NOD1: variants seen among roughly 807,000 people sequenced by gnomAD.
The protein encoded by NOD1 is nucleotide binding oligomerization domain containing 1.
A neutral mutation model predicts 81.2 loss-of-function variants in NOD1; 70 were observed. The ratio of observed to expected loss-of-function variants is 0.86; its 90% confidence interval spans 0.71 to 1.05. The LOEUF is 1.05. Ranked by LOEUF, NOD1 falls within the 50% of genes least tolerant of loss-of-function variation. The probability of loss-of-function intolerance (pLI) is 0.00; values close to 1 mark genes in which losing one functional copy is unlikely to be tolerated. For missense variants in NOD1, 1,233 were observed against 1,228.0 expected, an observed-to-expected ratio of 1.00 and a Z score of -0.06; for synonymous variants, 508 against 526.9, an observed-to-expected ratio of 0.96 and a Z score of 0.49.
intron 12 of NOD1, 55 bp from the exon 13 acceptor site, chr7:30,429,512 C>T: frequency 6.6e-7 from 1 of 1,505,704 alleles, no homozygotes; most frequent in Non-Finnish European, 9.2e-7. Context: ...AAATTTGACC[C>T]CTTCGTAAGG....
At chr7:30,477,193 C>T (rs1478485463) in intron 1 of NOD1, among the ~76,000 whole-genome samples, 1 of 152,222 alleles carries the variant, frequency 6.6e-6, no homozygotes, top group Non-Finnish European at 1.5e-5. Context: ...AAAAATAAAA[C>T]CTACTCTTCT....
At chr7:30,429,869 A>G (rs1471888582) in intron 12 of NOD1, among the ~76,000 whole-genome samples, 3 of 152,102 alleles carry the variant, frequency 2.0e-5, no homozygotes, top group African/African-American at 7.2e-5. Flanking sequence ...AAATACAAAA[A>G]AATTAGCTGG....
At position 30,452,980 on chromosome 7, in the gene NOD1, C is replaced by T. The variant is rs1244711059; in HGVS notation, c.437G>A (p.Cys146Tyr). 7 of 1,613,802 alleles carry T rather than the reference C, an allele frequency of 4.3e-6. No individual in the cohort carries two copies. Among genetic ancestry groups the T allele is most frequent in the African/African-American group, 1.3e-5 (1 of 74,930 alleles). Reference sequence around the variant, plus strand: ...CAGCAGCTCCTCCTTCTGGGCATAGCACAGCACGAACTTGGAGTCACGGCC... The same window carrying T: ...CAGCAGCTCCTCCTTCTGGGCATAGTACAGCACGAACTTGGAGTCACGGCC... ...HLGRDSKFVL[C>Y]YAQKEELLLE... Residue 146 changes from cysteine (C) to tyrosine (Y), a missense_variant, in exon 6 of 14, where the codon TGC (cysteine) becomes TAC (tyrosine). Transcript: ENST00000222823.
At position 30,462,248 on chromosome 7, in the gene NOD1, A is replaced by T. The variant is rs552685100; in HGVS notation, c.-351-2207T>A. On this transcript the variant is annotated intron_variant, in intron 1 of 13. Transcript: ENST00000222823. ...CAAAGATAGAGAGTAAGATACAAAA[A>T]TGCTGTTGATGTTTGGTGAGTCAGG... 3.5e-4 allele frequency among the ~76,000 whole-genome samples: 53 copies of T among 152,332 alleles called. No individual in the cohort carries two copies. The South Asian group carries it at 4.3e-3, about 12-fold the overall frequency.
At chr7:30,468,912 G>A (rs923141157) in intron 1 of NOD1, 24 of 985,324 alleles carry the variant, frequency 2.4e-5, no homozygotes, top group African/African-American at 3.5e-5. Flanking sequence ...TGGTGATGAC[G>A]TGAACAACAG....
chr7:30,473,813 G>A (rs912759733), intron 1 of NOD1, among the ~76,000 whole-genome samples: 1 of 152,138 alleles, frequency 6.6e-6, no homozygotes, highest in African/African-American at 2.4e-5. Flanking sequence ...CTGGGGCAGT[G>A]GTTAAGAACA....
chr7:30,429,551 A>G, intron 12 of NOD1, 94 bp from the exon 13 acceptor site: 1 of 1,084,416 alleles, frequency 9.2e-7, no homozygotes, highest in Non-Finnish European at 1.4e-6. Context: ...GGGATAAGAG[A>G]CAAGTTGGTC....
chr7:30,432,422 A>G (rs2127995823), intron 12 of NOD1, among the ~76,000 whole-genome samples: 1 of 152,360 alleles, frequency 6.6e-6, no homozygotes. Context: ...GTATAACTAG[A>G]TTTTAAAAGA....
In NOD1 at chr7:30,456,701, C is replaced by A. The variant is rs868154715; in HGVS notation, c.201+20G>T. ...CCCGGGGTCCACACAATGCCATGCCCGTCCCTGTCCCCGGGGCACCTTGTC... is the reference window on the plus strand; with the variant it reads ...CCCGGGGTCCACACAATGCCATGCCAGTCCCTGTCCCCGGGGCACCTTGTC... On this transcript the variant is annotated intron_variant, in intron 4 of 13. Coordinates refer to ENST00000222823, the MANE Select transcript of NOD1 (RefSeq NM_006092.4). The A allele has an allele frequency of 3.1e-6, 5 of 1,610,740 alleles. No homozygotes were observed. The highest frequency in any genetic ancestry group is 4.2e-6 in the Non-Finnish European group (5 of 1,177,804).
chr7:30,474,432 G>A (rs1788567239), intron 1 of NOD1, among the ~76,000 whole-genome samples: 1 of 152,206 alleles, frequency 6.6e-6, no homozygotes, highest in African/African-American at 2.4e-5. Flanking sequence ...TTTTTGGCAC[G>A]AGGAACTGGT....
At chr7:30,470,590 T>C (rs1473158127) in intron 1 of NOD1, among the ~76,000 whole-genome samples, 2 of 152,254 alleles carry the variant, frequency 1.3e-5, no homozygotes, top group Admixed American at 1.3e-4. Context: ...CAATAGTTTC[T>C]GTTGCTCTAA....
chr7:30,459,380 G>A (rs1786765802), intron 2 of NOD1, 140 bp from the exon 3 acceptor site: 1 of 152,424 alleles, frequency 6.6e-6, no homozygotes, highest in South Asian at 2.1e-4. Flanking sequence ...TTAGGACAGT[G>A]TTTTCTAAAT....
At chr7:30,461,153 G>A (rs1458964190) in intron 1 of NOD1, among the ~76,000 whole-genome samples, 1 of 152,140 alleles carries the variant, frequency 6.6e-6, no homozygotes, top group African/African-American at 2.4e-5. Context: ...AAATATTTCA[G>A]TATGTCATCC....
At position 30,468,924 on chromosome 7, in the gene NOD1, C is replaced by A. The variant is rs933036114; in HGVS notation, c.-351-8883G>T. 2.5e-5 allele frequency: 25 copies of A among 985,472 alleles called. No homozygotes were observed. The South Asian group carries it at 8.0e-4, about 31-fold the overall frequency. 61.0% of individuals were successfully genotyped at this position (985,472 alleles called of 1,614,324 possible). On this transcript the variant is annotated intron_variant, in intron 1 of 13. Coordinates refer to ENST00000222823, the MANE Select transcript of NOD1 (RefSeq NM_006092.4). ...TTGTGGTGATGACGTGAACAACAGACTTCTTCACTCTGCAAGTTACCCAAC... is the reference window on the plus strand; with the variant it reads ...TTGTGGTGATGACGTGAACAACAGAATTCTTCACTCTGCAAGTTACCCAAC...
rs1165255078 is a variant in NOD1 at position 30,446,142 on chromosome 7, C to G, written c.2452G>C (p.Gly818Arg). The change falls in exon 9 of 14, where the codon GGG becomes CGG. Residue 818 changes from glycine to arginine, a missense_variant and splice_region_variant. By Grantham distance (125) the Gly-to-Arg change is moderately radical. Coordinates refer to ENST00000222823, the MANE Select transcript of NOD1 (RefSeq NM_006092.4). ...ATACATCCATCCCCTTCTACTCACC[C>G]AACCTCAGAGATTGATTTGCTGTTC... ...VKNSKSISEV[G>R]MWGNQVGDEG... 6 of 1,613,166 alleles carry G rather than the reference C, an allele frequency of 3.7e-6. No individual in the cohort carries two copies. Among genetic ancestry groups the G allele is most frequent in the Admixed American group, 1.7e-5 (1 of 60,020 alleles).
intron 12 of NOD1, among the ~76,000 whole-genome samples, chr7:30,430,589 G>A (rs1026465168): frequency 3.3e-5 from 5 of 152,170 alleles, no homozygotes; most frequent in African/African-American, 7.2e-5. Context: ...ATTGCAGAGC[G>A]GGTGCAGCTC....
chr7:30,457,793 A>G (rs1183106868), intron 3 of NOD1, among the ~76,000 whole-genome samples: 1 of 152,078 alleles, frequency 6.6e-6, no homozygotes, highest in Non-Finnish European at 1.5e-5. Context: ...CAGCAGCATG[A>G]AGTCTCCTGT....
intron 12 of NOD1, among the ~76,000 whole-genome samples, chr7:30,430,545 C>T (rs1017230003): frequency 2.0e-5 from 3 of 152,200 alleles, no homozygotes; most frequent in African/African-American, 7.2e-5. Context: ...CCTATGCTGT[C>T]ATGAATGAAG....
In NOD1 at chr7:30,428,501, T is replaced by C. The variant is rs576453957; in HGVS notation, c.2789+873A>G. 3 of 152,352 alleles carry C rather than the reference T, an allele frequency of 2.0e-5. No homozygotes were observed. The South Asian group carries it at 6.2e-4, about 32-fold the overall frequency. 9.4% of individuals were successfully genotyped at this position (152,352 alleles called of 1,614,324 possible). A position where few individuals can be genotyped will look rare whatever the true frequency, so the allele number is the denominator to read the frequency against. On this transcript the variant is annotated intron_variant, in intron 13 of 13. Coordinates refer to ENST00000222823, the MANE Select transcript of NOD1 (RefSeq NM_006092.4). The stretch of plus-strand genomic sequence containing the variant: ...TAAGATGAATGAAATGATACTTTCA[T>C]ACCATGCACATTGCATCCTGATATT...
Sources: gnomAD v4.1 joint callset for allele counts (sites outside exome capture counted in the v4.1 genomes callset) on GRCh38, gnomAD v4.1.1 for gene constraint, MANE v1.5 for transcripts, NCBI Gene and HGNC (gene_info 2026-07-23, HGNC 2026-07-21) for gene names.